Variants in IQSEC2 observed in about 807,000 individuals in gnomAD.
IQSEC2 encodes IQ motif and Sec7 domain ArfGEF 2.
IQSEC2 carries 6 observed loss-of-function variants against 74.6 expected under a neutral mutation model. That is an observed-to-expected ratio of 0.08 (90% CI 0.04 to 0.16). The LOEUF is 0.16. Among genes scored for constraint, IQSEC2 ranks in the 10% least tolerant of loss-of-function variants. IQSEC2 has a pLI of 1.00. For missense variants in IQSEC2, 734 were observed against 1,306.2 expected (o/e 0.56, Z 6.75); for synonymous variants, 494 against 544.5 (o/e 0.91, Z 1.29).
intron 12 of IQSEC2, chrX:53,237,919 G>A (rs2074159730): frequency 2.3e-6 from 1 of 441,868 alleles, no homozygotes; most frequent in Non-Finnish European, 4.0e-6. Context: ...TTCACTAGAA[G>A]GAATAGTTGG....
chrX:53,274,452 CTTTTTTTTTTTTTTT>C (rs66510453), intron 2 of IQSEC2, among the ~76,000 whole-genome samples: 1 of 47,113 alleles, frequency 2.1e-5, no homozygotes, highest in Non-Finnish European at 3.3e-5. Context: ...AGTTACATTT[CTTTTTTTTTTTTTTT>C]TTTTTTTTTT....
In IQSEC2 at chrX:53,320,720, C is replaced by A; in HGVS notation, c.404G>T (p.Arg135Leu). 5 of 1,167,498 alleles carry A rather than the reference C, an allele frequency of 4.3e-6. No individual in the cohort carries two copies. The highest frequency in any genetic ancestry group is 5.7e-6 in the Non-Finnish European group (5 of 872,889). ...NREAVYRDKERDASYPLQDTT... is the reference protein window; with the variant it reads ...NREAVYRDKELDASYPLQDTT... ...GTCCTGGAGCGGGTAGGAGGCGTCC[C>A]GCTCCTTGTCCCGATACACAGCCTC... The change falls in exon 1 of 15, where the codon CGG becomes CTG. Residue 135 changes from arginine to leucine, a missense_variant. Physicochemically the swap from Arg to Leu is moderately radical, Grantham distance 102. Transcript: ENST00000642864.
intron 1 of IQSEC2, among the ~76,000 whole-genome samples, chrX:53,296,185 G>T (rs1267589557): frequency 9.1e-6 from 1 of 110,180 alleles, no homozygotes; most frequent in African/African-American, 3.3e-5. Context: ...ACAGGCACCT[G>T]CCATCATGCC....
At position 53,250,673 on chromosome X, in the gene IQSEC2, T is replaced by G; in HGVS notation, c.1903A>C (p.Lys635Gln). ...GCSPHGTLKH[K>Q]GPPGRAPIPH... ...ATCGGGGCCCTGCCTGGTGGCCCCT[T>G]GTGCTTCAGGGTCCCATGGGGGCTG... The change falls in exon 5 of 15, where the codon AAG (lysine) becomes CAG (glutamine). Residue 635 changes from lysine to glutamine, a missense_variant. Coordinates refer to ENST00000642864, the MANE Select transcript of IQSEC2 (RefSeq NM_001111125.3). 1 of 1,210,790 alleles carries G rather than the reference T, an allele frequency of 8.3e-7. No individual in the cohort carries two copies. The highest frequency in any genetic ancestry group is 1.1e-6 in the Non-Finnish European group (1 of 895,087).
intron 14 of IQSEC2, 36 bp downstream of exon 14, chrX:53,235,747 A>G: frequency 1.7e-6 from 2 of 1,159,882 alleles, no homozygotes; most frequent in Non-Finnish European, 2.3e-6. Flanking sequence ...GGCAGGGCTC[A>G]TGCAGAGGAC....
intron 2 of IQSEC2, chrX:53,279,740 G>A (rs781881456): frequency 1.7e-6 from 1 of 577,208 alleles, no homozygotes; most frequent in South Asian, 2.4e-5. Flanking sequence ...ATGGGGGCAA[G>A]AAGGTGAGAG....
intron 1 of IQSEC2, among the ~76,000 whole-genome samples, chrX:53,302,859 C>T (rs1556875762): frequency 1.8e-5 from 2 of 111,033 alleles, no homozygotes; most frequent in African/African-American, 3.3e-5. Context: ...ATTGCTTGAG[C>T]CCAGGTCGAG....
intron 2 of IQSEC2, chrX:53,266,962 C>T (rs782517107): frequency 8.7e-7 from 1 of 1,151,408 alleles, no homozygotes; most frequent in African/African-American, 1.8e-5. Flanking sequence ...CTTGTCCTCT[C>T]AGTTACCGAG....
chrX:53,248,900 G>A lies in IQSEC2; in HGVS notation c.2298-18C>T, dbSNP rs1556862644. 1 of 1,200,696 alleles carries A rather than the reference G, an allele frequency of 8.3e-7. No homozygotes were observed. Among genetic ancestry groups the A allele is most frequent in the South Asian group, 1.8e-5 (1 of 55,557 alleles). On this transcript the variant is annotated intron_variant, in intron 5 of 14. Coordinates refer to ENST00000642864, the MANE Select transcript of IQSEC2 (RefSeq NM_001111125.3). ...CTGGCTTCCTGCAGAAAGAGGAGAG[G>A]TAGATGAGATGACTGTCCTCCTGGA...
At position 53,238,256 on chromosome X, in the gene IQSEC2, T is replaced by C. The variant is rs973062974; in HGVS notation, c.3166A>G (p.Lys1056Glu). 8.3e-7 allele frequency: 1 copy of C among 1,211,323 alleles called. No homozygotes were observed. Among genetic ancestry groups the C allele is most frequent in the African/African-American group, 1.7e-5 (1 of 57,688 alleles). ...GGGGCATTGAAGATGATGAGGACTTTTCGCTCCCCACCAGGTACTGCAGAC... is the reference window on the plus strand; with the variant it reads ...GGGGCATTGAAGATGATGAGGACTTCTCGCTCCCCACCAGGTACTGCAGAC... Reference protein sequence around the residue: ...LLSAVPGGERKVLIIFNAPSL... With the variant: ...LLSAVPGGEREVLIIFNAPSL... Residue 1056 changes from lysine to glutamate, a missense_variant, in exon 12 of 15, where the codon AAA (lysine) becomes GAA (glutamate). This residue lies in a region of IQSEC2 where 249 missense variants were observed against 467.9 expected (regional missense o/e 0.53). Coordinates refer to ENST00000642864, the MANE Select transcript of IQSEC2 (RefSeq NM_001111125.3).
At chrX:53,256,869 G>A (rs1291362425) in intron 2 of IQSEC2, among the ~76,000 whole-genome samples, 6 of 112,437 alleles carry the variant, frequency 5.3e-5, no homozygotes, top group Non-Finnish European at 9.4e-5. Flanking sequence ...GTCTCCACGC[G>A]TGGCAGGAGC....
Position 53,255,793 on chromosome X carries a change from G to A in IQSEC2, c.999+7C>T, listed in dbSNP as rs782420855. Reference sequence around the variant, plus strand: ...CTCCCATTCCCAACCAGATGCCTCTGTTGCACCTTCTTGTCCTGCAGGTCT... The same window carrying A: ...CTCCCATTCCCAACCAGATGCCTCTATTGCACCTTCTTGTCCTGCAGGTCT... On this transcript the variant is annotated splice_region_variant and intron_variant, in intron 3 of 14. Transcript: ENST00000642864. The A allele has an allele frequency of 6.6e-6, 8 of 1,209,962 alleles. 1 individual carries two copies. The African/African-American group carries it at 1.4e-4, about 21-fold the overall frequency.
At position 53,279,452 on chromosome X, in the gene IQSEC2, AC is replaced by A. The variant is rs1169615992; in HGVS notation, c.737+12442del. ...AGGCACTCTCCTCATACACTCGGACACCCATTCCACAGGCACAGCAGGGGCT... is the reference window on the plus strand; with the variant it reads ...AGGCACTCTCCTCATACACTCGGACACCATTCCACAGGCACAGCAGGGGCT... On this transcript the variant is annotated intron_variant, in intron 2 of 14. Transcript: ENST00000642864. 1.7e-5 allele frequency: 8 copies of A among 477,031 alleles called. No individual in the cohort carries two copies. The African/African-American group carries it at 1.9e-4, about 11-fold the overall frequency. 39.3% of individuals were successfully genotyped at this position (477,031 alleles called of 1,213,427 possible). A position where few individuals can be genotyped will look rare whatever the true frequency, so the allele number is the denominator to read the frequency against.
intron 2 of IQSEC2, among the ~76,000 whole-genome samples, chrX:53,290,405 T>C (rs1358140895): frequency 8.9e-6 from 1 of 112,233 alleles, no homozygotes; most frequent in African/African-American, 3.2e-5. Context: ...AGCTGAGAAC[T>C]AGAGATGTTT....
At chrX:53,278,747 T>A (rs1304431354) in intron 2 of IQSEC2, among the ~76,000 whole-genome samples, 2 of 113,008 alleles carry the variant, frequency 1.8e-5, no homozygotes, top group African/African-American at 6.4e-5. Flanking sequence ...ATTCCACTCT[T>A]ATTTCCTCTT....
chrX:53,307,045 T>C (rs1256339056), intron 1 of IQSEC2, among the ~76,000 whole-genome samples: 1 of 110,248 alleles, frequency 9.1e-6, no homozygotes, highest in African/African-American at 3.3e-5. Flanking sequence ...CATTCACCCG[T>C]AGGCAAAGTA....
chrX:53,286,708 G>A (rs1380646655), intron 2 of IQSEC2, among the ~76,000 whole-genome samples: 3 of 111,184 alleles, frequency 2.7e-5, no homozygotes, highest in Non-Finnish European at 5.7e-5. Context: ...TTGGGAGGCC[G>A]AGGAGGGGGG....
chrX:53,257,873 A>G (rs1331472852), intron 2 of IQSEC2, among the ~76,000 whole-genome samples: 1 of 111,797 alleles, frequency 8.9e-6, no homozygotes, highest in Admixed American at 9.5e-5. Flanking sequence ...TGAGGCCCAG[A>G]GAGGTTAAGT....
intron 1 of IQSEC2, among the ~76,000 whole-genome samples, chrX:53,316,481 A>T (rs1556879103): frequency 9.0e-6 from 1 of 110,640 alleles, no homozygotes; most frequent in African/African-American, 3.3e-5. Flanking sequence ...GAGCATGCTG[A>T]CATCCCACTG....
Sources: allele counts gnomAD v4.1 joint callset (sites outside exome capture counted in the v4.1 genomes callset), GRCh38; gene constraint gnomAD v4.1.1; regional missense constraint gnomAD v4.1.1; transcripts MANE v1.5; gene names NCBI Gene and HGNC (gene_info 2026-07-23, HGNC 2026-07-21).